RPH3A: variants seen among roughly 807,000 people sequenced by gnomAD.
The protein encoded by RPH3A is rabphilin-3A.
In RPH3A, 48 loss-of-function variants were observed where a neutral mutation model predicts 102.2. That is an observed-to-expected ratio of 0.47 (90% CI 0.37 to 0.60). The LOEUF (loss-of-function observed/expected upper bound fraction) is 0.60. Among genes scored for constraint, RPH3A ranks in the 20% least tolerant of loss-of-function variants. The pLI is 0.00. For missense variants in RPH3A, 781 were observed against 910.1 expected (o/e 0.86, Z 1.83); for synonymous variants, 310 against 324.3 (o/e 0.96, Z 0.47).
Position 112,847,701 on chromosome 12 carries a change from A to G in RPH3A, c.89A>G (p.Gln30Arg). Residue 30 changes from glutamine to arginine, a missense_variant, in exon 5 of 22, where the codon CAG (glutamine) becomes CGG (arginine). Gln to Arg is a conservative substitution (Grantham distance 43). Around this residue, in one of 2 missense-constraint regions of RPH3A, gnomAD observed 730 missense variants for 810.0 expected, o/e 0.90. Transcript: ENST00000389385. ...CTTCCCAAATTTCCTTTCAGGCTCC[A>G]GGCAGGCTGGTCCGTCCACCCCGGT... Reference protein sequence around the residue: ...PLQSNDKEQLQAGWSVHPGGQ... With the variant: ...PLQSNDKEQLRAGWSVHPGGQ... 1 of 1,613,818 alleles carries G rather than the reference A, an allele frequency of 6.2e-7. No homozygotes were observed. The highest frequency in any genetic ancestry group is 1.7e-5 in the Admixed American group (1 of 60,006).
intron 1 of RPH3A, among the ~76,000 whole-genome samples, chr12:112,773,430 A>T (rs1421815840): frequency 6.6e-6 from 1 of 152,084 alleles, no homozygotes; most frequent in African/African-American, 2.4e-5. Context: ...TGCTAATACA[A>T]ATTGAATTTA....
At chr12:112,594,436 T>G (rs904824271) in intron 1 of RPH3A, among the ~76,000 whole-genome samples, 2 of 152,168 alleles carry the variant, frequency 1.3e-5, no homozygotes, top group Non-Finnish European at 2.9e-5. Context: ...GTCATCTTTC[T>G]TCCATCCATT....
intron 1 of RPH3A, among the ~76,000 whole-genome samples, chr12:112,760,412 A>G (rs1396177584): frequency 1.3e-5 from 2 of 152,254 alleles, no homozygotes; most frequent in Non-Finnish European, 2.9e-5. Flanking sequence ...TTAGCAACTG[A>G]TAGCAAATTA....
chr12:112,667,954 G>A (rs972070164), intron 1 of RPH3A, among the ~76,000 whole-genome samples: 11 of 152,284 alleles, frequency 7.2e-5, no homozygotes, highest in African/African-American at 2.4e-4. Context: ...CTCCCCTTCT[G>A]TTTTGACCTA....
chr12:112,757,725 C>A (rs1453970283), intron 1 of RPH3A, among the ~76,000 whole-genome samples: 1 of 152,138 alleles, frequency 6.6e-6, no homozygotes, highest in Admixed American at 6.5e-5. Context: ...CTAAGAAGAC[C>A]TCCTTTGTTC....
intron 1 of RPH3A, among the ~76,000 whole-genome samples, chr12:112,733,397 ATAGT>A (rs1457616626): frequency 1.3e-5 from 2 of 152,148 alleles, no homozygotes; most frequent in African/African-American, 4.8e-5. Flanking sequence ...AAGCAGACAC[ATAGT>A]TAGGGGTGCA....
intron 2 of RPH3A, among the ~76,000 whole-genome samples, chr12:112,794,033 T>G (rs556244277): frequency 6.6e-6 from 1 of 152,340 alleles, no homozygotes; most frequent in East Asian, 1.9e-4. Context: ...TGTGGACACT[T>G]CCCAAATATC....
intron 1 of RPH3A, among the ~76,000 whole-genome samples, chr12:112,745,045 A>G (rs2040734797): frequency 1.3e-5 from 2 of 152,170 alleles, no homozygotes; most frequent in African/African-American, 2.4e-5. Flanking sequence ...AGGATTGTGC[A>G]TTGTATTGAG....
Position 112,597,932 on chromosome 12 carries a change from C to A in RPH3A, c.-140+22613C>A, listed in dbSNP as rs571780481. On this transcript the variant is annotated intron_variant, in intron 1 of 21. Transcript: ENST00000543106. Reference sequence around the variant, plus strand: ...CATCAGGCAAATCCCTAGAATGGAGCGACCCAACATTATGATTGTCCAATT... The same window carrying A: ...CATCAGGCAAATCCCTAGAATGGAGAGACCCAACATTATGATTGTCCAATT... Among the ~76,000 whole-genome samples, 54 of 152,278 alleles carry A rather than the reference C, an allele frequency of 3.5e-4. 1 individual carries two copies. The highest frequency in any genetic ancestry group is 1.2e-3 in the African/African-American group (49 of 41,544).
At chr12:112,814,309 A>G (rs548041517) in intron 2 of RPH3A, among the ~76,000 whole-genome samples, 2 of 152,056 alleles carry the variant, frequency 1.3e-5, no homozygotes, top group Non-Finnish European at 2.9e-5. Context: ...AACCACATAT[A>G]AGAGAGAAGA....
At chr12:112,684,768 G>C (rs2040251383) in intron 1 of RPH3A, among the ~76,000 whole-genome samples, 1 of 152,018 alleles carries the variant, frequency 6.6e-6, no homozygotes, top group South Asian at 2.1e-4. Context: ...GTCCATTCAG[G>C]CTGCTACAAC....
In RPH3A at chr12:112,876,886, G is replaced by A; in HGVS notation, c.1171+20G>A. 6.5e-7 allele frequency: 1 copy of A among 1,548,360 alleles called. No individual in the cohort carries two copies. The highest frequency in any genetic ancestry group is 1.4e-5 in the African/African-American group (1 of 72,914). ...AAGCAAGTAGGTGGTGCCTAAGGGA[G>A]AGGTATCTTGGAAAAATCACTTCAG... On this transcript the variant is annotated intron_variant, in intron 13 of 21. Transcript: ENST00000389385.
chr12:112,739,471 T>C (rs1009332108), intron 1 of RPH3A, among the ~76,000 whole-genome samples: 1 of 152,218 alleles, frequency 6.6e-6, no homozygotes, highest in Non-Finnish European at 1.5e-5. Flanking sequence ...CCCTTATGCC[T>C]GCCCTTAACA....
At chr12:112,577,184 A>C (rs891073353) in intron 1 of RPH3A, among the ~76,000 whole-genome samples, 2 of 152,234 alleles carry the variant, frequency 1.3e-5, no homozygotes, top group Non-Finnish European at 2.9e-5. Context: ...AAAGGAATAA[A>C]GAATGGCTAC....
intron 2 of RPH3A, among the ~76,000 whole-genome samples, chr12:112,817,125 A>G (rs924246443): frequency 1.3e-5 from 2 of 152,198 alleles, no homozygotes; most frequent in African/African-American, 4.8e-5. Flanking sequence ...TGCTAAGAGC[A>G]GGGGATCTTA....
chr12:112,792,758 C>T (rs1318428989), intron 2 of RPH3A, among the ~76,000 whole-genome samples: 2 of 152,188 alleles, frequency 1.3e-5, no homozygotes, highest in Non-Finnish European at 2.9e-5. Context: ...ATTGTACCCT[C>T]TTCTAGGAAC....
chr12:112,895,816 A>G lies in RPH3A; in HGVS notation c.1897A>G (p.Lys633Glu). 1 of 1,614,090 alleles carries G rather than the reference A, an allele frequency of 6.2e-7. No individual in the cohort carries two copies. Among genetic ancestry groups the G allele is most frequent in the Non-Finnish European group, 8.5e-7 (1 of 1,179,978 alleles). The part of the protein sequence containing the change: ...YDIKHSDLAK[K>E]SLDISVWDYD... ...CATCAAACACAGTGACCTGGCAAAG[A>G]AGTCACTGGACATTTCAGTCTGGGA... Residue 633 changes from lysine to glutamate, a missense_variant, in exon 21 of 22, where the codon AAG (lysine) becomes GAG (glutamate). This residue lies in a region of RPH3A where 51 missense variants were observed against 100.1 expected (regional missense o/e 0.51). Transcript: ENST00000389385.
At chr12:112,731,596 A>C (rs1409622995) in intron 1 of RPH3A, among the ~76,000 whole-genome samples, 1 of 152,218 alleles carries the variant, frequency 6.6e-6, no homozygotes, top group Non-Finnish European at 1.5e-5. Context: ...TGCTCTGTTA[A>C]AGAGGCCCTC....
chr12:112,836,020 G>A (rs943838804), intron 3 of RPH3A, among the ~76,000 whole-genome samples: 2 of 152,198 alleles, frequency 1.3e-5, no homozygotes, highest in African/African-American at 4.8e-5. Flanking sequence ...TTGGTTGCTT[G>A]CCTCATAATC....
Sources: gnomAD v4.1 joint callset for allele counts (sites outside exome capture counted in the v4.1 genomes callset) on GRCh38, gnomAD v4.1.1 for gene constraint, gnomAD v4.1.1 regional missense constraint, MANE v1.5 for transcripts, NCBI Gene and HGNC (gene_info 2026-07-23, HGNC 2026-07-21) for gene names.